Variants in PLEC observed in about 807,000 individuals in gnomAD.
The protein encoded by PLEC is plectin.
PLEC carries 216 observed loss-of-function variants against 392.8 expected under a neutral mutation model. The ratio of observed to expected loss-of-function variants is 0.55; its 90% CI spans 0.49 to 0.62. PLEC has a LOEUF of 0.62. PLEC is among the 20% of genes least tolerant of loss of function. PLEC has a pLI of 0.00. For missense variants in PLEC, 6,863 were observed against 6,563.4 expected (o/e 1.05, Z -1.58); for synonymous variants, 3,621 against 2,980.6 (o/e 1.21, Z -7.00).
Position 143,930,123 on chromosome 8 carries a change from T to G in PLEC, c.2612+21A>C, listed in dbSNP as rs1359466807. ...CCCCACCCGCCTTCCAGCCCCCACC[T>G]GCTGAGCCCCCGCCACCCACCTGGT... On this transcript the variant is annotated intron_variant, in intron 21 of 31. Coordinates refer to ENST00000345136, the MANE Select transcript of PLEC (RefSeq NM_201384.3). 7 of 1,591,492 alleles carry G rather than the reference T, an allele frequency of 4.4e-6. No individual in the cohort carries two copies. The African/African-American group carries it at 6.7e-5, about 15-fold the overall frequency.
At chr8:143,967,362 CAAAAAAAAAAAAAA>C (rs869137248) in intron 1 of PLEC, among the ~76,000 whole-genome samples, 8 of 46,854 alleles carry the variant, frequency 1.7e-4, no homozygotes, top group Non-Finnish European at 3.2e-4. Context: ...GACTCCATCT[CAAAAAAAAAAAAAA>C]AAAAAAAAAA....
rs372811113 is a variant in PLEC, at chr8:143,935,214, C to T, written c.702G>A (p.Arg234=). 4 of 1,612,490 alleles carry T rather than the reference C, an allele frequency of 2.5e-6. No individual in the cohort carries two copies. Among genetic ancestry groups the T allele is most frequent in the African/African-American group, 2.7e-5 (2 of 74,918 alleles). ...CAGACGTACCCTCAGGGTCCAGGAG[C>T]CGCGTCACTCCCAGGTCCCGCTCCG... is the stretch of plus-strand genomic sequence containing the variant. ...SVAERDLGVT[R]LLDPEDVDVP... Residue 234 remains arginine (R), a synonymous_variant, in exon 7 of 32, where the codon CGG becomes CGA. Transcript: ENST00000345136.
In PLEC at chr8:143,932,795, C is replaced by T. The variant is rs1554718137; in HGVS notation, c.1735G>A (p.Glu579Lys). The T allele has an allele frequency of 1.5e-5, 24 of 1,612,024 alleles. No individual in the cohort carries two copies. In the East Asian group the frequency reaches 2.0e-4, roughly 13 times the overall value. ...GCCCATCGCTCAGCGCCACCCACCTCGTCACTCCGTGCCCGCTCGATCTTG... is the reference window on the plus strand; with the variant it reads ...GCCCATCGCTCAGCGCCACCCACCTTGTCACTCCGTGCCCGCTCGATCTTG... ...RAKIERARSD[E>K]GQLSPATRGA... Residue 579 changes from glutamate to lysine, a missense_variant and splice_region_variant, in exon 14 of 32, where the codon GAG becomes AAG. By Grantham distance (56) the Glu-to-Lys change is moderately conservative. Coordinates refer to ENST00000345136, the MANE Select transcript of PLEC (RefSeq NM_201384.3).
chr8:143,919,125 C>T lies in PLEC; in HGVS notation c.10696G>A (p.Ala3566Thr), dbSNP rs781815543. Residue 3566 changes from alanine to threonine, a missense_variant, in exon 32 of 32, where the codon GCA (alanine) becomes ACA (threonine). Transcript: ENST00000345136. ...ATGTCGATCTGTGTCTCTTCAAATG[C>T]CCTTCTTGTCTCCTCCTCAGTGTAC... ...QVYTEEETRRAFEETQIDIPG... is the reference protein window; with the variant it reads ...QVYTEEETRRTFEETQIDIPG... The T allele has an allele frequency of 1.1e-5, 17 of 1,613,144 alleles. 1 individual carries two copies. The highest frequency in any genetic ancestry group is 3.3e-4 in the Middle Eastern group (2 of 6,062).
In PLEC at chr8:143,926,983, G is replaced by A; in HGVS notation, c.3939C>T (p.Ile1313=). The A allele has an allele frequency of 1.2e-6, 2 of 1,612,846 alleles. No homozygotes were observed. The highest frequency in any genetic ancestry group is 1.7e-6 in the Non-Finnish European group (2 of 1,179,650). The change falls in exon 29 of 32, where the codon ATC becomes ATT. Residue 1313 remains isoleucine (I), a synonymous_variant. Transcript: ENST00000345136. The part of the protein sequence containing the change: ...PKVQSGSESV[I]QEYVDLRTHY... Reference sequence around the variant, plus strand: ...AGGTTCGGCCCCACCCTACCTCCTGGATGACACTCTCTGATCCCGACTGGA... The same window carrying A: ...AGGTTCGGCCCCACCCTACCTCCTGAATGACACTCTCTGATCCCGACTGGA...
upstream of PLEC, among the ~76,000 whole-genome samples, chr8:143,975,553 T>A (rs1833632380): frequency 6.7e-6 from 1 of 150,148 alleles, no homozygotes; most frequent in Non-Finnish European, 1.5e-5. This position sits in a 1 kb window ranked among gnomAD's most constrained non-coding sequence, Gnocchi z 9.9. Flanking sequence ...ACCCCCATGC[T>A]CTGGCCCCAG....
At chr8:143,933,963 C>G (rs1229548527) in intron 12 of PLEC, 35 bp downstream of exon 12, 4 of 1,556,850 alleles carry the variant, frequency 2.6e-6, no homozygotes, top group Non-Finnish European at 3.5e-6. Flanking sequence ...CCTCCGGCCT[C>G]CCTCCCGCCC....
At position 143,916,128 on chromosome 8, in the gene PLEC, G is replaced by A. The variant is rs948456427; in HGVS notation, c.*49C>T. ...CGTTGAAAACGGCCCCCGCGCCTCG[G>A]TGGGAGCCGGGCTGGGCCGCATGCA... On this transcript the variant is annotated 3_prime_UTR_variant, in exon 32 of 32. Transcript: ENST00000345136. 22 of 1,430,508 alleles carry A rather than the reference G, an allele frequency of 1.5e-5. No homozygotes were observed. Among genetic ancestry groups the A allele is most frequent in the Non-Finnish European group, 1.9e-5 (21 of 1,086,152 alleles). The allele number at this position is 1,430,508 out of a possible 1,614,324, so 88.6% of individuals were successfully genotyped here.
At chr8:143,936,881 C>T (rs921861319) in intron 5 of PLEC, 98 bp downstream of exon 5, 28 of 968,286 alleles carry the variant, frequency 2.9e-5, no homozygotes, top group Non-Finnish European at 4.2e-5. Flanking sequence ...TCCCAGGCCA[C>T]GCCCTAGCCA....
chr8:143,924,101 TCCGCCTTGCCAGCGG>T lies in PLEC; in HGVS notation c.5813_5827del (p.Ala1938_Ala1942del). 1 of 1,598,560 alleles carries T rather than the reference TCCGCCTTGCCAGCGG, an allele frequency of 6.3e-7. No homozygotes were observed. The highest frequency in any genetic ancestry group is 8.5e-7 in the Non-Finnish European group (1 of 1,179,372). On this transcript the variant is annotated inframe_deletion, in exon 31 of 32. Transcript: ENST00000345136. ...GATGCGTCCCAGCTCCAGCTCCAGC[TCCGCCTTGCCAGCGG>T]CCGCCTTCTCGAAGCTCGCCTTCAG...
upstream of PLEC, chr8:143,953,742 C>G (rs782665613): frequency 2.5e-6 from 4 of 1,612,208 alleles, no homozygotes; most frequent in Non-Finnish European, 3.4e-6. Context: ...GGGAGCTGAT[C>G]TCGTTCTGGA....
Position 143,934,072 on chromosome 8 carries a change from T to G in PLEC, c.1189A>C (p.Ile397Leu). The G allele has an allele frequency of 6.2e-7, 1 of 1,611,746 alleles. No individual in the cohort carries two copies. Among genetic ancestry groups the G allele is most frequent in the Non-Finnish European group, 8.5e-7 (1 of 1,179,558 alleles). ...GCCTCCATCTGCAGCTTGGTCACGA[T>G]GCGCTGAAGACACTCCAGCCTGCAG... ...EFERLECLQR[I>L]VTKLQMEAGL... Residue 397 changes from isoleucine to leucine, a missense_variant, in exon 12 of 32, where the codon ATC (isoleucine) becomes CTC (leucine). Ile to Leu is a conservative substitution (Grantham distance 5, BLOSUM62 2). Transcript: ENST00000345136.
chr8:143,926,049 G>A (rs1251366750), intron 30 of PLEC, among the ~76,000 whole-genome samples, 165 bp from the exon 31 acceptor site: 7 of 152,384 alleles, frequency 4.6e-5, no homozygotes, highest in African/African-American at 1.2e-4. Context: ...CGCCCAGGGC[G>A]CTCGGGCAGC....
chr8:143,949,862 T>A (rs545795189), intron 1 of PLEC, among the ~76,000 whole-genome samples: 1 of 151,988 alleles, frequency 6.6e-6, no homozygotes, highest in Non-Finnish European at 1.5e-5. Context: ...GACAGGTCAC[T>A]GGGACAGGAG....
chr8:143,931,419 G>T (rs1207756945), intron 19 of PLEC, 115 bp downstream of exon 19: 1 of 1,009,874 alleles, frequency 9.9e-7, no homozygotes, highest in Non-Finnish European at 1.5e-6. Flanking sequence ...ACCTCCCATG[G>T]TGCCTCCCAA....
chr8:143,916,060 T>C lies in PLEC; in HGVS notation c.*117A>G, dbSNP rs1191261575. 1 of 651,360 alleles carries C rather than the reference T, an allele frequency of 1.5e-6. No individual in the cohort carries two copies. The highest frequency in any genetic ancestry group is 1.9e-5 in the African/African-American group (1 of 52,656). The allele number at this position is 651,360 out of a possible 1,614,324, so 40.3% of individuals were successfully genotyped here. A position where few individuals can be genotyped will look rare whatever the true frequency, so the allele number is the denominator to read the frequency against. ...TATTAATATATTAGTCTGGTCTTTT[T>C]GGTTAAACTTTAGGCACCACTTGGG... On this transcript the variant is annotated 3_prime_UTR_variant, in exon 32 of 32. Transcript: ENST00000345136.
Position 143,922,514 on chromosome 8 carries a change from T to C in PLEC, c.7415A>G (p.Lys2472Arg). The C allele has an allele frequency of 1.2e-6, 2 of 1,609,948 alleles. No individual in the cohort carries two copies. Among genetic ancestry groups the C allele is most frequent in the South Asian group, 2.2e-5 (2 of 91,090 alleles). Reference protein sequence around the residue: ...LQQEAKLLQLKSEEMQTVQQE... With the variant: ...LQQEAKLLQLRSEEMQTVQQE... ...TAGAGGGGGCGGTACCTCCTCAGACTTGAGCTGCAGCAGTTTGGCCTCCTG... is the reference window on the plus strand; with the variant it reads ...TAGAGGGGGCGGTACCTCCTCAGACCTGAGCTGCAGCAGTTTGGCCTCCTG... Residue 2472 changes from lysine to arginine, a missense_variant, in exon 31 of 32, where the codon AAG (lysine) becomes AGG (arginine). Coordinates refer to ENST00000345136, the MANE Select transcript of PLEC (RefSeq NM_201384.3).
intron 1 of PLEC, among the ~76,000 whole-genome samples, chr8:143,959,807 T>C (rs534618131): frequency 2.0e-5 from 3 of 148,932 alleles, no homozygotes; most frequent in South Asian, 2.1e-4. Flanking sequence ...CCATCCTGGC[T>C]AACACAGTGA....
intron 1 of PLEC, among the ~76,000 whole-genome samples, chr8:143,967,152 A>G (rs1833139953): frequency 6.6e-6 from 1 of 151,634 alleles, no homozygotes; most frequent in Non-Finnish European, 1.5e-5. Context: ...TCACGAGGTC[A>G]GGAGATCGAG....
Sources: allele counts gnomAD v4.1 joint callset (sites outside exome capture counted in the v4.1 genomes callset), GRCh38; gene constraint gnomAD v4.1.1; non-coding constraint Gnocchi (gnomAD v3.1); transcripts MANE v1.5; gene names NCBI Gene and HGNC (gene_info 2026-07-23, HGNC 2026-07-21).